The following MYO16 variants were observed in gnomAD, a reference collection of about 807,000 sequenced individuals.
MYO16 encodes unconventional myosin-XVI.
A neutral mutation model predicts 205.3 loss-of-function variants in MYO16; 94 were observed. That is an observed-to-expected ratio of 0.46 (90% confidence interval 0.39 to 0.54). The LOEUF is 0.54. MYO16 is among the 20% of genes least tolerant of loss of function. The pLI is 0.00. For missense variants in MYO16, 2,315 were observed against 2,387.5 expected (o/e 0.97, Z 0.63); for synonymous variants, 988 against 954.0 (o/e 1.04, Z -0.66).
chr13:108,528,744 ACCTCCCCTTTG>A, the MYO16 span, among the ~76,000 whole-genome samples: 1 of 41,608 alleles, frequency 2.4e-5, no homozygotes, highest in Non-Finnish European at 4.7e-5. Flanking sequence ...ACCTCCCCTC[ACCTCCCCTTTG>A]CCTCCCCTCT....
the MYO16 span, among the ~76,000 whole-genome samples, chr13:108,575,729 C>T: frequency 2.0e-5 from 3 of 152,262 alleles, no homozygotes; most frequent in East Asian, 1.9e-4. Context: ...TGCCCGCCCG[C>T]GTATACATTT....
intron 13 of MYO16, chr13:108,886,489 A>G (rs527810970): frequency 4.2e-5 from 19 of 456,144 alleles, no homozygotes; most frequent in South Asian, 2.9e-4. Flanking sequence ...TTATTATGCG[A>G]AAGGGAAGCT....
intron 2 of MYO16, among the ~76,000 whole-genome samples, chr13:108,689,724 TAGC>T (rs1882818191): frequency 6.7e-6 from 1 of 150,114 alleles, no homozygotes; most frequent in East Asian, 2.0e-4. Context: ...AAAAAAAAAA[TAGC>T]AGCAAAGAAG....
chr13:109,018,973 T>TTG (rs1555324509), intron 22 of MYO16, among the ~76,000 whole-genome samples: 1 of 140,264 alleles, frequency 7.1e-6, no homozygotes, highest in African/African-American at 2.9e-5. Context: ...TTTTTTTTTT[T>TTG]GTTTTTTTTT....
At chr13:109,003,782 A>C (rs557995674) in intron 21 of MYO16, among the ~76,000 whole-genome samples, 28 of 152,226 alleles carry the variant, frequency 1.8e-4, no homozygotes, top group Non-Finnish European at 3.8e-4. Context: ...AGTCAAAACA[A>C]GACAGAGGTT....
intron 20 of MYO16, among the ~76,000 whole-genome samples, chr13:108,987,290 A>G (rs927284382): frequency 1.3e-5 from 2 of 152,216 alleles, no homozygotes; most frequent in Non-Finnish European, 1.5e-5. Context: ...AATTTCTGGC[A>G]TGGTTGCAGA....
chr13:108,534,412 C>G, the MYO16 span, among the ~76,000 whole-genome samples: 1 of 152,014 alleles, frequency 6.6e-6, no homozygotes, highest in East Asian at 1.9e-4. Flanking sequence ...CAGAGAATCC[C>G]AAATTTACTT....
At chr13:108,521,891 A>G in the MYO16 span, among the ~76,000 whole-genome samples, 13 of 152,338 alleles carry the variant, frequency 8.5e-5, no homozygotes, top group African/African-American at 2.9e-4. Context: ...CAGTTTCATC[A>G]TTATTAATCT....
chr13:108,783,653 C>T (rs558572709), intron 4 of MYO16, among the ~76,000 whole-genome samples: 118 of 152,280 alleles, frequency 7.7e-4, no homozygotes, highest in African/African-American at 2.6e-3. Flanking sequence ...AGAATTCCCA[C>T]GTGTTGTGGG....
chr13:108,889,372 A>G (rs1370593861), intron 14 of MYO16, among the ~76,000 whole-genome samples: 1 of 152,238 alleles, frequency 6.6e-6, no homozygotes, highest in Non-Finnish European at 1.5e-5. Flanking sequence ...AAAACATCCC[A>G]CATAATCAAA....
intron 23 of MYO16, among the ~76,000 whole-genome samples, chr13:109,021,281 G>A (rs547121514): frequency 6.6e-6 from 1 of 152,170 alleles, no homozygotes; most frequent in Non-Finnish European, 1.5e-5. Flanking sequence ...TACTAAGACA[G>A]TTACAGCCTT....
At chr13:108,537,020 A>G in the MYO16 span, among the ~76,000 whole-genome samples, 2 of 152,126 alleles carry the variant, frequency 1.3e-5, no homozygotes, top group African/African-American at 2.4e-5. Flanking sequence ...GTTTTCTTAC[A>G]TGGATACATT....
chr13:108,906,096 T>C (rs968081182), intron 15 of MYO16, among the ~76,000 whole-genome samples: 3 of 152,132 alleles, frequency 2.0e-5, no homozygotes, highest in African/African-American at 7.2e-5. Context: ...CTCTTAGCGT[T>C]CCCATGAATA....
At chr13:108,961,908 G>A (rs984473475) in intron 18 of MYO16, among the ~76,000 whole-genome samples, 4 of 152,020 alleles carry the variant, frequency 2.6e-5, no homozygotes, top group Non-Finnish European at 5.9e-5. Flanking sequence ...GCACATACTT[G>A]TTGTTTATTT....
intron 8 of MYO16, among the ~76,000 whole-genome samples, chr13:108,821,989 G>A (rs1475663414): frequency 6.6e-6 from 1 of 152,110 alleles, no homozygotes; most frequent in South Asian, 2.1e-4. Context: ...GCAGTGAAAG[G>A]TTTCAACTAA....
intron 15 of MYO16, among the ~76,000 whole-genome samples, chr13:108,905,815 G>A (rs1338068480): frequency 6.6e-6 from 1 of 152,094 alleles, no homozygotes; most frequent in Non-Finnish European, 1.5e-5. Flanking sequence ...AGGACTGGAA[G>A]ACATAGAGAG....
At chr13:108,911,280 G>A (rs1594389430) in intron 16 of MYO16, among the ~76,000 whole-genome samples, 1 of 152,126 alleles carries the variant, frequency 6.6e-6, no homozygotes, top group African/African-American at 2.4e-5. Context: ...TTATATTCTG[G>A]TTGGGGAGAT....
intron 27 of MYO16, among the ~76,000 whole-genome samples, chr13:109,099,674 G>A (rs1463703950): frequency 3.3e-5 from 5 of 152,086 alleles, no homozygotes; most frequent in Admixed American, 6.5e-5. Context: ...CTGTACTGCC[G>A]CACATGTGAG....
intron 27 of MYO16, among the ~76,000 whole-genome samples, chr13:109,058,780 C>T (rs1243852139): frequency 6.6e-6 from 1 of 152,110 alleles, no homozygotes; most frequent in Non-Finnish European, 1.5e-5. Flanking sequence ...TGAAAAATGT[C>T]TCTGTAGCAT....
Sources: gnomAD v4.1 joint callset for allele counts (sites outside exome capture counted in the v4.1 genomes callset) on GRCh38, gnomAD v4.1.1 for gene constraint, MANE v1.5 for transcripts, NCBI Gene and HGNC (gene_info 2026-07-23, HGNC 2026-07-21) for gene names.